OR2L13: variants seen among roughly 807,000 people sequenced by gnomAD.
OR2L13 encodes the protein olfactory receptor family 2 subfamily L member 13, also known as olfactory receptor 2L13.
OR2L13 carries 14 observed loss-of-function variants against 15.3 expected under a neutral mutation model. That is an observed-to-expected ratio of 0.91 (90% confidence interval 0.60 to 1.43). The LOEUF (loss-of-function observed/expected upper bound fraction) is 1.43, where lower values mean the gene tolerates loss of function less well. Ranked by LOEUF, OR2L13 falls within the 40% of genes most tolerant of loss-of-function variation. The pLI is 0.00. For missense variants in OR2L13, 367 were observed against 387.9 expected (o/e 0.95, Z 0.45); for synonymous variants, 152 against 142.9 (o/e 1.06, Z -0.45).
At chr1:248,008,261 C>A in the OR2L13 span, among the ~76,000 whole-genome samples, 1 of 152,100 alleles carries the variant, frequency 6.6e-6, no homozygotes, top group Non-Finnish European at 1.5e-5. Context: ...CCTAGTGACA[C>A]CCCTAGAATT....
the OR2L13 span, among the ~76,000 whole-genome samples, chr1:247,963,803 T>A: frequency 6.6e-6 from 1 of 152,154 alleles, no homozygotes; most frequent in Non-Finnish European, 1.5e-5. Flanking sequence ...ATTCCATAGG[T>A]AGACACATAT....
the OR2L13 span, among the ~76,000 whole-genome samples, chr1:248,028,012 G>C: frequency 2.0e-5 from 3 of 151,660 alleles, no homozygotes; most frequent in Non-Finnish European, 4.4e-5. Flanking sequence ...GTGGTTGTGG[G>C]TGCCTTTAGT....
chr1:248,086,563 CTTGA>C, the OR2L13 span, among the ~76,000 whole-genome samples: 1 of 151,910 alleles, frequency 6.6e-6, no homozygotes, highest in Non-Finnish European at 1.5e-5. Flanking sequence ...GGTATTGCAG[CTTGA>C]TTGTTTTTAC....
chr1:248,011,683 T>G, the OR2L13 span, among the ~76,000 whole-genome samples: 5,656 of 152,192 alleles, frequency 0.037, 315 homozygotes, highest in African/African-American at 0.13. Flanking sequence ...TCTTAGCAAA[T>G]TTTCAATATA....
the OR2L13 span, among the ~76,000 whole-genome samples, chr1:248,033,277 A>G: frequency 2.5e-3 from 387 of 152,296 alleles, 3 homozygotes; most frequent in Admixed American, 6.0e-3. Flanking sequence ...GTAAGCATCC[A>G]ATTTCAATAT....
At chr1:248,034,431 G>A in the OR2L13 span, among the ~76,000 whole-genome samples, 6 of 150,574 alleles carry the variant, frequency 4.0e-5, no homozygotes, top group Middle Eastern at 3.4e-3. Context: ...TTAAAAAAAC[G>A]TTTTCCAGAT....
the OR2L13 span, chr1:248,039,023 AC>A: frequency 1.2e-6 from 2 of 1,614,010 alleles, no homozygotes; most frequent in Non-Finnish European, 1.7e-6. Flanking sequence ...TCTACTATGC[AC>A]CCTTTGCTTA....
the OR2L13 span, chr1:248,038,491 C>T: frequency 6.2e-7 from 1 of 1,613,824 alleles, no homozygotes; most frequent in Non-Finnish European, 8.5e-7. Flanking sequence ...TACATCTCCA[C>T]CATTGTTCCA....
chr1:247,966,608 A>G, the OR2L13 span, among the ~76,000 whole-genome samples: 1 of 152,212 alleles, frequency 6.6e-6, no homozygotes, highest in African/African-American at 2.4e-5. Context: ...AAGTTAACAG[A>G]GAGAAAAATG....
chr1:248,032,645 T>C, the OR2L13 span, among the ~76,000 whole-genome samples: 1,302 of 152,326 alleles, frequency 8.5e-3, 10 homozygotes, highest in African/African-American at 0.029. Context: ...TAGCATAATG[T>C]AATCAAGTTT....
chr1:248,025,884 G>A, the OR2L13 span, among the ~76,000 whole-genome samples: 1 of 149,846 alleles, frequency 6.7e-6, no homozygotes, highest in African/African-American at 2.5e-5. Flanking sequence ...TTACTCATAG[G>A]TGGGAATTGA....
At chr1:248,072,379 A>T in the OR2L13 span, among the ~76,000 whole-genome samples, 1 of 152,260 alleles carries the variant, frequency 6.6e-6, no homozygotes, top group African/African-American at 2.4e-5. Context: ...CAATGGGGAA[A>T]GGATTCCCTA....
chr1:247,990,923 G>A, the OR2L13 span: 16 of 1,476,908 alleles, frequency 1.1e-5, no homozygotes, highest in Admixed American at 5.0e-5. Context: ...TCCTATGGCC[G>A]GATTCTCCTT....
chr1:248,028,059 T>C, the OR2L13 span, among the ~76,000 whole-genome samples: 1 of 138,262 alleles, frequency 7.2e-6, no homozygotes, highest in Non-Finnish European at 1.5e-5. Context: ...GAGAATGGCA[T>C]GAACCCAGGA....
chr1:248,072,673 C>T, the OR2L13 span, among the ~76,000 whole-genome samples: 1 of 151,892 alleles, frequency 6.6e-6, no homozygotes, highest in Non-Finnish European at 1.5e-5. Flanking sequence ...AAGAAACTAC[C>T]ATCAGAGTGA....
At chr1:247,964,157 C>T in the OR2L13 span, among the ~76,000 whole-genome samples, 2 of 152,198 alleles carry the variant, frequency 1.3e-5, no homozygotes, top group Admixed American at 1.3e-4. Flanking sequence ...ACTTATTCTA[C>T]TGAGTTTGGC....
At chr1:248,068,201 G>T in the OR2L13 span, among the ~76,000 whole-genome samples, 9 of 152,254 alleles carry the variant, frequency 5.9e-5, no homozygotes, top group Middle Eastern at 3.4e-3. Context: ...TCCTCAAGTG[G>T]GTCCCTGACC....
At chr1:247,968,502 AC>A in the OR2L13 span, among the ~76,000 whole-genome samples, 1 of 37,418 alleles carries the variant, frequency 2.7e-5, no homozygotes, top group Admixed American at 2.6e-4. Flanking sequence ...CCAGCCCCCC[AC>A]CCCCCAACAG....
the OR2L13 span, among the ~76,000 whole-genome samples, chr1:247,962,149 A>G: frequency 1.3e-5 from 2 of 152,344 alleles, no homozygotes; most frequent in South Asian, 2.1e-4. Context: ...AAAATTTCAC[A>G]GAAGTTGTGC....
Sources: allele counts gnomAD v4.1 joint callset (sites outside exome capture counted in the v4.1 genomes callset), GRCh38; gene constraint gnomAD v4.1.1; transcripts MANE v1.5; gene names NCBI Gene and HGNC (gene_info 2026-07-23, HGNC 2026-07-21).